The following USH2A variants were observed in gnomAD, a reference collection of about 807,000 sequenced individuals.
The protein encoded by USH2A is usherin, also known as Usher syndrome 2A (autosomal recessive, mild).
Under a neutral mutation model 538.9 loss-of-function variants are expected in USH2A, and 443 were observed. The ratio of observed to expected loss-of-function variants is 0.82; its 90% CI spans 0.76 to 0.89. The LOEUF is 0.89. Among genes scored for constraint, USH2A ranks in the 40% least tolerant of loss-of-function variants. The pLI, the probability that USH2A is intolerant of heterozygous loss-of-function variation, is 0.00. For synonymous variants in USH2A, 2,413 were observed against 2,273.5 expected, an observed-to-expected ratio of 1.06 and a Z score of -1.75; for missense variants, 6,633 against 6,324.8, an observed-to-expected ratio of 1.05 and a Z score of -1.65.
intron 11 of USH2A, among the ~76,000 whole-genome samples, chr1:216,252,360 C>T (rs2036179147): frequency 6.6e-6 from 1 of 152,164 alleles, no homozygotes; most frequent in South Asian, 2.1e-4. Flanking sequence ...GGATTGAATC[C>T]AGCTCTTCAC....
At chr1:216,106,583 C>T (rs562976526) in intron 21 of USH2A, among the ~76,000 whole-genome samples, 67 of 151,400 alleles carry the variant, frequency 4.4e-4, no homozygotes, top group Non-Finnish European at 7.4e-4. Context: ...CCTTCTCTCC[C>T]CTTACCACTC....
intron 47 of USH2A, among the ~76,000 whole-genome samples, chr1:215,832,593 GTAAGTTCT>G (rs1164172599): frequency 6.6e-6 from 1 of 151,864 alleles, no homozygotes; most frequent in African/African-American, 2.4e-5. Context: ...AAAATAAAAA[GTAAGTTCT>G]TCAACGTGAT....
intron 71 of USH2A, among the ~76,000 whole-genome samples, chr1:215,627,597 C>T (rs1050820554): frequency 6.6e-6 from 1 of 151,660 alleles, no homozygotes; most frequent in Non-Finnish European, 1.5e-5. Flanking sequence ...GCCATCTCAG[C>T]TCACTGCAAC....
In USH2A at chr1:215,728,283, TAG is replaced by T. The variant is rs1242150130; in HGVS notation, c.11811_11812del (p.Tyr3938ArgfsTer8). ...GTTACAGGCTCTGACCCGATATTCG[TAG>T]AGTGTGAAAGGCCTCAGGGTGTCTC... On this transcript the variant is annotated frameshift_variant, in exon 61 of 72. Coordinates refer to ENST00000307340, the MANE Select transcript of USH2A (RefSeq NM_206933.4). LOFTEE classifies it high-confidence loss of function. 1 of 1,614,094 alleles carries T rather than the reference TAG, an allele frequency of 6.2e-7. No homozygotes were observed. Among genetic ancestry groups the T allele is most frequent in the East Asian group, 2.2e-5 (1 of 44,864 alleles).
Position 215,766,767 on chromosome 1 carries a change from T to C in USH2A, c.10961A>G (p.Tyr3654Cys). The change falls in exon 56 of 72, where the codon TAC becomes TGC. Residue 3654 changes from tyrosine (Y) to cysteine (C), a missense_variant. Transcript: ENST00000307340. ...TVTGLQPYTNYSFTLTACTSA... is the reference protein window; with the variant it reads ...TVTGLQPYTNCSFTLTACTSA... ...TGTACAAGCTGTAAGAGTGAAGCTG[T>C]AGTTGGTGTATGGCTGGAGACCTAG... 1 of 1,613,556 alleles carries C rather than the reference T, an allele frequency of 6.2e-7. No homozygotes were observed. The highest frequency in any genetic ancestry group is 8.5e-7 in the Non-Finnish European group (1 of 1,179,578).
chr1:215,780,628 T>C (rs538618292), intron 54 of USH2A, among the ~76,000 whole-genome samples: 33 of 152,250 alleles, frequency 2.2e-4, no homozygotes, highest in Non-Finnish European at 3.7e-4. Flanking sequence ...TGTCAAAACA[T>C]AGTTTTGGAC....
intron 61 of USH2A, among the ~76,000 whole-genome samples, chr1:215,697,280 G>T (rs765409071): frequency 3.3e-5 from 5 of 151,920 alleles, no homozygotes; most frequent in Non-Finnish European, 5.9e-5. Flanking sequence ...TTTGATATTA[G>T]ACGATAACAT....
At chr1:216,016,392 TATG>T (rs1430807358) in intron 32 of USH2A, among the ~76,000 whole-genome samples, 2 of 152,194 alleles carry the variant, frequency 1.3e-5, no homozygotes, top group Admixed American at 1.3e-4. Context: ...ATCGCTTTGC[TATG>T]ATAAGGACTT....
chr1:215,641,246 G>A (rs1041576786), intron 67 of USH2A, among the ~76,000 whole-genome samples: 7 of 152,028 alleles, frequency 4.6e-5, no homozygotes, highest in African/African-American at 9.7e-5. Context: ...GGTGAATTAC[G>A]TCCTTTTGGC....
intron 19 of USH2A, among the ~76,000 whole-genome samples, chr1:216,191,408 AGTT>A (rs1289386826): frequency 1.3e-5 from 2 of 151,948 alleles, no homozygotes; most frequent in African/African-American, 4.8e-5. Flanking sequence ...AAGTTACATG[AGTT>A]GTTCTAAAAA....
At position 215,634,711 on chromosome 1, in the gene USH2A, AC is replaced by A; in HGVS notation, c.15053-9del. The A allele has an allele frequency of 6.2e-7, 1 of 1,614,168 alleles. No homozygotes were observed. Among genetic ancestry groups the A allele is most frequent in the African/African-American group, 1.3e-5 (1 of 75,018 alleles). On this transcript the variant is annotated splice_polypyrimidine_tract_variant and intron_variant, in intron 69 of 71. Transcript: ENST00000307340. ...GAGTTGTTAGGACCAAGCCTGCAAA[AC>A]CCAGAGAAAGAAAGGGGAAATGTTA... is the stretch of plus-strand genomic sequence containing the variant.
At chr1:216,324,454 A>G in intron 6 of USH2A, 102 bp from the exon 7 acceptor site, 1 of 1,115,404 alleles carries the variant, frequency 9.0e-7, no homozygotes, top group Non-Finnish European at 1.3e-6. Flanking sequence ...GGCTCACTTC[A>G]TCATAATTAT....
At chr1:215,966,744 T>G (rs553901786) in intron 36 of USH2A, among the ~76,000 whole-genome samples, 1 of 152,200 alleles carries the variant, frequency 6.6e-6, no homozygotes. Flanking sequence ...CAATGTAATT[T>G]GTTTTATTAT....
intron 29 of USH2A, 83 bp from the exon 30 acceptor site, chr1:216,070,375 A>C: frequency 2.3e-6 from 3 of 1,279,646 alleles, no homozygotes; most frequent in Non-Finnish European, 3.4e-6. Context: ...TAATGGCCGC[A>C]GTAAATCAGA....
chr1:216,071,516 G>T (rs945267078), intron 29 of USH2A, among the ~76,000 whole-genome samples: 1 of 152,158 alleles, frequency 6.6e-6, no homozygotes, highest in African/African-American at 2.4e-5. Flanking sequence ...ATTAAATAGT[G>T]CAATTATTCT....
At chr1:216,327,733 C>G in intron 4 of USH2A, 79 bp from the exon 5 acceptor site, 1 of 1,539,322 alleles carries the variant, frequency 6.5e-7, no homozygotes. Context: ...AGTGATATTC[C>G]TTTGAAGATG....
chr1:215,856,581 C>A (rs910361217), intron 44 of USH2A, among the ~76,000 whole-genome samples: 2 of 152,104 alleles, frequency 1.3e-5, no homozygotes, highest in Non-Finnish European at 2.9e-5. Flanking sequence ...ACAAAGAACA[C>A]ATTTTTACAC....
intron 11 of USH2A, among the ~76,000 whole-genome samples, chr1:216,282,627 T>A (rs987553413): frequency 1.3e-5 from 2 of 152,318 alleles, no homozygotes; most frequent in South Asian, 4.1e-4. Context: ...CTGTCTTGAT[T>A]ATAGTAAATT....
intron 38 of USH2A, among the ~76,000 whole-genome samples, chr1:215,926,329 G>A (rs1341971916): frequency 6.6e-6 from 1 of 151,752 alleles, no homozygotes; most frequent in East Asian, 1.9e-4. Flanking sequence ...GAAAATAGAA[G>A]AGAAAGCTCA....
Sources: gnomAD v4.1 joint callset for allele counts (sites outside exome capture counted in the v4.1 genomes callset) on GRCh38, gnomAD v4.1.1 for gene constraint, MANE v1.5 for transcripts, NCBI Gene and HGNC (gene_info 2026-07-23, HGNC 2026-07-21) for gene names.